The following GPC5 variants were observed in gnomAD, a reference collection of about 807,000 sequenced individuals.
GPC5 encodes the protein glypican-5.
In GPC5, 47 loss-of-function variants were observed where a neutral mutation model predicts 53.9. That is an observed-to-expected ratio of 0.87 (90% CI 0.69 to 1.11). The LOEUF is 1.11. Ranked by LOEUF, GPC5 falls within the 50% of genes most tolerant of loss-of-function variation. The probability of loss-of-function intolerance (pLI) is 0.00; values close to 1 mark genes in which losing one functional copy is unlikely to be tolerated. For missense variants in GPC5, 748 were observed against 713.1 expected (o/e 1.05, Z -0.56); for synonymous variants, 286 against 263.3 (o/e 1.09, Z -0.84).
intron 7 of GPC5, among the ~76,000 whole-genome samples, chr13:92,267,952 T>C (rs2042813780): frequency 6.6e-6 from 1 of 152,114 alleles, no homozygotes; most frequent in African/African-American, 2.4e-5. Flanking sequence ...CACAGTTATA[T>C]TTTTAGTCTA....
At chr13:91,709,771 T>G (rs2036187148) in intron 3 of GPC5, among the ~76,000 whole-genome samples, 1 of 152,250 alleles carries the variant, frequency 6.6e-6, no homozygotes, top group Admixed American at 6.5e-5. Flanking sequence ...AGTTGAAGTC[T>G]TGATTCATAT....
chr13:92,102,222 A>G lies in GPC5; in HGVS notation c.1402-42608A>G, dbSNP rs190766516. Among the ~76,000 whole-genome samples the G allele has an allele frequency of 1.8e-3, 275 of 152,296 alleles. 3 individuals are homozygous for G. Among genetic ancestry groups the G allele is most frequent in the African/African-American group, 6.3e-3 (261 of 41,572 alleles). On this transcript the variant is annotated intron_variant, in intron 6 of 7. Transcript: ENST00000377067. ...AGAGGGGTGGGGAATAAAGTGGGAA[A>G]CAAGAGCATATGTCAGAAAAACAAA... is the stretch of plus-strand genomic sequence containing the variant.
Position 92,610,745 on chromosome 13 carries a change from A to G in GPC5, c.1562-255537A>G, listed in dbSNP as rs575039755. On this transcript the variant is annotated intron_variant, in intron 7 of 7. Coordinates refer to ENST00000377067, the MANE Select transcript of GPC5 (RefSeq NM_004466.6). The stretch of plus-strand genomic sequence containing the variant: ...GGTGGAAGGTGAAGGGGAAGCAGGC[A>G]CTTTCCTCACAGGGTGGCAGGAAGG... Among the ~76,000 whole-genome samples the G allele has an allele frequency of 1.3e-3, 205 of 152,260 alleles. 1 individual carries two copies. The highest frequency in any genetic ancestry group is 4.6e-3 in the African/African-American group (193 of 41,550).
chr13:92,613,270 A>T (rs1471775128), intron 7 of GPC5, among the ~76,000 whole-genome samples: 1 of 125,116 alleles, frequency 8.0e-6, no homozygotes, highest in Non-Finnish European at 1.6e-5. Context: ...TATATATATA[A>T]ATTATATAAT....
chr13:92,300,640 A>G (rs2043069188), intron 7 of GPC5, among the ~76,000 whole-genome samples: 1 of 152,232 alleles, frequency 6.6e-6, no homozygotes, highest in Admixed American at 6.5e-5. Context: ...ACTAATTTAA[A>G]GGCTTTCTGT....
intron 6 of GPC5, among the ~76,000 whole-genome samples, chr13:92,048,006 C>T (rs891494670): frequency 4.6e-5 from 7 of 151,124 alleles, no homozygotes; most frequent in East Asian, 1.9e-4. Context: ...AAAAAAAAAG[C>T]GGTATTACAT....
At chr13:91,567,317 G>A (rs779082552) in intron 2 of GPC5, among the ~76,000 whole-genome samples, 1 of 152,252 alleles carries the variant, frequency 6.6e-6, no homozygotes, top group South Asian at 2.1e-4. Context: ...TGTTTTAAAA[G>A]CAGATATTCT....
intron 2 of GPC5, among the ~76,000 whole-genome samples, chr13:91,472,802 G>T (rs151031339): frequency 6.6e-6 from 1 of 152,316 alleles, no homozygotes; most frequent in Admixed American, 6.5e-5. Flanking sequence ...TCAAAATGAA[G>T]AGCTGGGAGA....
intron 7 of GPC5, among the ~76,000 whole-genome samples, chr13:92,370,715 G>A (rs529912509): frequency 7.8e-4 from 119 of 152,172 alleles, no homozygotes; most frequent in Non-Finnish European, 8.5e-4. Flanking sequence ...TACATTGAAT[G>A]TATCATGACT....
At chr13:92,613,170 TA>T (rs1379939628) in intron 7 of GPC5, among the ~76,000 whole-genome samples, 5 of 144,918 alleles carry the variant, frequency 3.5e-5, no homozygotes, top group African/African-American at 1.3e-4. Flanking sequence ...AGGAAAAAAA[TA>T]ATCAAACAGG....
At chr13:91,693,921 A>T in intron 3 of GPC5, 40 bp downstream of exon 3, 1 of 1,428,728 alleles carries the variant, frequency 7.0e-7, no homozygotes, top group Non-Finnish European at 9.6e-7. Flanking sequence ...ACTTCTTGTA[A>T]TTCAAATATT....
At chr13:91,804,357 C>T (rs772402596) in intron 5 of GPC5, among the ~76,000 whole-genome samples, 4 of 152,202 alleles carry the variant, frequency 2.6e-5, no homozygotes, top group Non-Finnish European at 5.9e-5. Context: ...TCTGTACTCA[C>T]TCATGGTCCT....
chr13:92,342,359 C>G (rs2043374240), intron 7 of GPC5, among the ~76,000 whole-genome samples: 1 of 152,130 alleles, frequency 6.6e-6, no homozygotes, highest in Non-Finnish European at 1.5e-5. Flanking sequence ...CTGCTACGGT[C>G]TAAATGTTTG....
intron 2 of GPC5, among the ~76,000 whole-genome samples, chr13:91,516,846 C>T (rs949332960): frequency 6.6e-6 from 1 of 152,124 alleles, no homozygotes; most frequent in African/African-American, 2.4e-5. Context: ...GACTTCTGTC[C>T]ACCCACAGGC....
intron 5 of GPC5, among the ~76,000 whole-genome samples, chr13:91,799,650 A>G (rs1206866174): frequency 6.6e-6 from 1 of 152,156 alleles, no homozygotes; most frequent in Non-Finnish European, 1.5e-5. Context: ...ATTAATTGTG[A>G]TACCTTCTAT....
chr13:92,324,244 T>A (rs943896283), intron 7 of GPC5, among the ~76,000 whole-genome samples: 2 of 151,986 alleles, frequency 1.3e-5, no homozygotes, highest in Non-Finnish European at 2.9e-5. Flanking sequence ...AAAATTAATA[T>A]GTTAACAAAA....
intron 7 of GPC5, among the ~76,000 whole-genome samples, chr13:92,681,982 T>A (rs1887124726): frequency 6.6e-6 from 1 of 152,344 alleles, no homozygotes; most frequent in Non-Finnish European, 1.5e-5. Context: ...GTTGTTTATA[T>A]GCATATTTCC....
chr13:91,668,281 C>A (rs1312370696), intron 2 of GPC5, among the ~76,000 whole-genome samples: 1 of 152,186 alleles, frequency 6.6e-6, no homozygotes, highest in African/African-American at 2.4e-5. Flanking sequence ...CTCTTCAAAT[C>A]CTTGCCTCTG....
chr13:92,727,087 T>G (rs988667418), intron 7 of GPC5, among the ~76,000 whole-genome samples: 1 of 151,470 alleles, frequency 6.6e-6, no homozygotes, highest in Non-Finnish European at 1.5e-5. Flanking sequence ...ATATCTGTGT[T>G]TAAACCACCT....
Sources: gnomAD v4.1 joint callset for allele counts (sites outside exome capture counted in the v4.1 genomes callset) on GRCh38, gnomAD v4.1.1 for gene constraint, MANE v1.5 for transcripts, NCBI Gene and HGNC (gene_info 2026-07-23, HGNC 2026-07-21) for gene names.